ZNF462: variants seen among roughly 807,000 people sequenced by gnomAD.
The protein encoded by ZNF462 is zinc finger PBX1-interacting protein.
In ZNF462, 10 loss-of-function variants were observed where a neutral mutation model predicts 201.9. The observed-to-expected ratio is 0.05, with a 90% CI of 0.03 to 0.08. The LOEUF is 0.08. Ranked by LOEUF, ZNF462 falls within the 10% of genes least tolerant of loss-of-function variation. The probability of loss-of-function intolerance (pLI) is 1.00; values close to 1 mark genes in which losing one functional copy is unlikely to be tolerated. For missense variants in ZNF462, 2,523 were observed against 3,168.3 expected (o/e 0.80, Z 4.89); for synonymous variants, 1,227 against 1,193.3 (o/e 1.03, Z -0.58).
At chr9:107,001,996 C>T (rs1829223074) in intron 10 of ZNF462, among the ~76,000 whole-genome samples, 1 of 152,142 alleles carries the variant, frequency 6.6e-6, no homozygotes, top group Non-Finnish European at 1.5e-5. Context: ...GTCTCAGTGT[C>T]TAAGGCCTGG....
At position 106,886,223 on chromosome 9, in the gene ZNF462, G is replaced by A. The variant is rs1828310309; in HGVS notation, c.-31+22868G>A. The stretch of plus-strand genomic sequence containing the variant: ...GTAGGGGTGGGGTGGTTAAGAAGGT[G>A]GCTGGGATTGTTACCTCACTGGACC... On this transcript the variant is annotated intron_variant, in intron 1 of 12. Coordinates refer to ENST00000277225, the MANE Select transcript of ZNF462 (RefSeq NM_021224.6). This position sits in a 1 kb window ranked among gnomAD's most constrained non-coding sequence, Gnocchi z 4.6. 6.6e-6 allele frequency among the ~76,000 whole-genome samples: 1 copy of A among 152,158 alleles called. No individual in the cohort carries two copies. Among genetic ancestry groups the A allele is most frequent in the Non-Finnish European group, 1.5e-5 (1 of 68,028 alleles).
In ZNF462 at chr9:106,935,688, A is replaced by T. The variant is rs981098547; in HGVS notation, c.6235+67A>T. 79 of 1,224,724 alleles carry T rather than the reference A, an allele frequency of 6.5e-5. No individual in the cohort carries two copies. Among genetic ancestry groups the T allele is most frequent in the Non-Finnish European group, 8.5e-5 (71 of 831,776 alleles). 75.9% of individuals were successfully genotyped at this position (1,224,724 alleles called of 1,614,324 possible). A position where few individuals can be genotyped will look rare whatever the true frequency, so the allele number is the denominator to read the frequency against. On this transcript the variant is annotated intron_variant, in intron 6 of 12. Coordinates refer to ENST00000277225, the MANE Select transcript of ZNF462 (RefSeq NM_021224.6). The surrounding 1 kb of genome is among the most constrained non-coding windows in gnomAD (Gnocchi z 4.1). ...CTGAGTTTGAAACCTGATGATCTTT[A>T]TTGAGTGAAATACTGTCCTGCCTTA...
In ZNF462 at chr9:106,926,124, T is replaced by C; in HGVS notation, c.2212T>C (p.Leu738=). The C allele has an allele frequency of 1.9e-6, 3 of 1,613,458 alleles. No individual in the cohort carries two copies. The highest frequency in any genetic ancestry group is 2.5e-6 in the Non-Finnish European group (3 of 1,179,850). Residue 738 remains leucine, a synonymous_variant, in exon 3 of 13, where the codon TTG becomes CTG. Coordinates refer to ENST00000277225, the MANE Select transcript of ZNF462 (RefSeq NM_021224.6). This position sits in a 1 kb window ranked among gnomAD's most constrained non-coding sequence, Gnocchi z 7.9. ...CAACGAAGTCGAGATAGAGGTTGAG[T>C]TGGACAGGGAGGAAGAACCGACAGA... ...EDNEVEIEVE[L]DREEEPTEPI...
At chr9:106,881,047 A>T (rs1828071799) in intron 1 of ZNF462, among the ~76,000 whole-genome samples, 1 of 152,268 alleles carries the variant, frequency 6.6e-6, no homozygotes, top group African/African-American at 2.4e-5. Flanking sequence ...TTCCTGCGTC[A>T]TTCCAGGCAG....
Position 106,961,535 on chromosome 9 carries a change from CT to C in ZNF462, c.6428-10459del, listed in dbSNP as rs71491264. On this transcript the variant is annotated intron_variant, in intron 7 of 12. Transcript: ENST00000277225. ...CAGAACAGTATTTTCAGTTTGTACT[CT>C]TTTTTTTTTTGGATGTTTGTAGCAT... Among the ~76,000 whole-genome samples the C allele has an allele frequency of 2.6e-3, 376 of 145,316 alleles. 1 individual carries two copies. The highest frequency in any genetic ancestry group is 4.3e-3 in the Non-Finnish European group (279 of 65,512).
At chr9:106,866,856 T>C (rs540481114) in intron 1 of ZNF462, among the ~76,000 whole-genome samples, 50 of 152,372 alleles carry the variant, frequency 3.3e-4, no homozygotes, top group African/African-American at 1.1e-3. Context: ...TAACCATGTA[T>C]GTTTATGTAA....
rs890176806 is a variant in ZNF462 at position 106,933,922 on chromosome 9, C to T, written c.6116+1373C>T. Among the ~76,000 whole-genome samples, 1 of 152,050 alleles carries T rather than the reference C, an allele frequency of 6.6e-6. No homozygotes were observed. Among genetic ancestry groups the T allele is most frequent in the African/African-American group, 2.4e-5 (1 of 41,486 alleles). On this transcript the variant is annotated intron_variant, in intron 5 of 12. Coordinates refer to ENST00000277225, the MANE Select transcript of ZNF462 (RefSeq NM_021224.6). The surrounding 1 kb of genome is among the most constrained non-coding windows in gnomAD (Gnocchi z 4.3). Reference sequence around the variant, plus strand: ...TTCAGTTTGACTAATCCTTAAGTTACATGTAAAGGAATAGTGAAAGATAAG... The same window carrying T: ...TTCAGTTTGACTAATCCTTAAGTTATATGTAAAGGAATAGTGAAAGATAAG...
chr9:107,006,474 C>T lies in ZNF462; in HGVS notation c.7189+3048C>T, dbSNP rs1019612887. ...CCTGCACACCACTTTCCCAGTGCTT[C>T]GAGTAGTGTAATCTTCACTGAAGGG... On this transcript the variant is annotated intron_variant, in intron 11 of 12. Transcript: ENST00000277225. The surrounding 1 kb of genome is among the most constrained non-coding windows in gnomAD (Gnocchi z 4.3). Among the ~76,000 whole-genome samples the T allele has an allele frequency of 4.6e-5, 7 of 152,256 alleles. No homozygotes were observed. The highest frequency in any genetic ancestry group is 3.9e-4 in the East Asian group (2 of 5,182).
chr9:106,874,345 A>G (rs533947978), intron 1 of ZNF462, among the ~76,000 whole-genome samples: 56 of 152,312 alleles, frequency 3.7e-4, no homozygotes, highest in South Asian at 1.0e-3. Context: ...GGGTTTCTTC[A>G]GTTTTCCTTT....
intron 6 of ZNF462, among the ~76,000 whole-genome samples, chr9:106,936,529 A>G (rs1233767016): frequency 6.6e-6 from 1 of 152,222 alleles, no homozygotes; most frequent in East Asian, 1.9e-4. Flanking sequence ...CAGGTCTCCC[A>G]GTTGCCTCAA....
At chr9:106,989,405 A>T (rs1828098488) in intron 10 of ZNF462, among the ~76,000 whole-genome samples, 1 of 152,076 alleles carries the variant, frequency 6.6e-6, no homozygotes, top group Admixed American at 6.6e-5. Context: ...ATCATGGTGG[A>T]TTATCTTTTT....
intron 7 of ZNF462, among the ~76,000 whole-genome samples, chr9:106,957,923 G>C (rs1157203470): frequency 1.3e-5 from 2 of 152,204 alleles, no homozygotes; most frequent in South Asian, 4.1e-4. Flanking sequence ...GTAGGGAGCA[G>C]AGAAGGTAGC....
Position 106,911,041 on chromosome 9 carries a change from T to C in ZNF462, c.-30-12313T>C, listed in dbSNP as rs1412017929. Among the ~76,000 whole-genome samples the C allele has an allele frequency of 2.0e-5, 3 of 152,206 alleles. No homozygotes were observed. In the East Asian group the frequency reaches 5.8e-4, roughly 29 times the overall value. Reference sequence around the variant, plus strand: ...TAGGTAAAATACTCTGATTCTTTCCTTTGTGGATCCATGTCCTGCTTTAGA... The same window carrying C: ...TAGGTAAAATACTCTGATTCTTTCCCTTGTGGATCCATGTCCTGCTTTAGA... On this transcript the variant is annotated intron_variant, in intron 1 of 12. Transcript: ENST00000277225.
At chr9:106,915,193 T>G (rs1413499971) in intron 1 of ZNF462, among the ~76,000 whole-genome samples, 1 of 151,880 alleles carries the variant, frequency 6.6e-6, no homozygotes, top group Non-Finnish European at 1.5e-5. Context: ...GGATAGGCAT[T>G]TCTGTATGTT....
chr9:106,900,634 T>C (rs1384737575), intron 1 of ZNF462, among the ~76,000 whole-genome samples: 2 of 152,332 alleles, frequency 1.3e-5, no homozygotes, highest in African/African-American at 4.8e-5. Context: ...ATTTCCCTGA[T>C]CATTAGTGAT....
In ZNF462 at chr9:106,941,497, G is replaced by A. The variant is rs749381392; in HGVS notation, c.6427+2390G>A. 2.6e-5 allele frequency among the ~76,000 whole-genome samples: 4 copies of A among 152,206 alleles called. No homozygotes were observed. The South Asian group carries it at 6.2e-4, about 24-fold the overall frequency. On this transcript the variant is annotated intron_variant, in intron 7 of 12. Transcript: ENST00000277225. The stretch of plus-strand genomic sequence containing the variant: ...TTGTTTAGCCACAGGGAAATAATTT[G>A]CAATATATAAAAGGGATTCTTACTT...
At chr9:106,949,644 ACTT>A (rs1221103544) in intron 7 of ZNF462, among the ~76,000 whole-genome samples, 1 of 151,862 alleles carries the variant, frequency 6.6e-6, no homozygotes, top group Non-Finnish European at 1.5e-5. Flanking sequence ...TCTTCAGAGT[ACTT>A]CTACTTCCTT....
At position 106,993,709 on chromosome 9, in the gene ZNF462, A is replaced by G. The variant is rs1828469917; in HGVS notation, c.7056+9300A>G. Among the ~76,000 whole-genome samples, 1 of 150,730 alleles carries G rather than the reference A, an allele frequency of 6.6e-6. No individual in the cohort carries two copies. Among genetic ancestry groups the G allele is most frequent in the Non-Finnish European group, 1.5e-5 (1 of 67,836 alleles). On this transcript the variant is annotated intron_variant, in intron 10 of 12. Transcript: ENST00000277225. This position sits in a 1 kb window ranked among gnomAD's most constrained non-coding sequence, Gnocchi z 4.0. Reference sequence around the variant, plus strand: ...ACACATAGTGAATTATTTATCAGTAATGCCCTTTATTAGCAATACTGTTGA... The same window carrying G: ...ACACATAGTGAATTATTTATCAGTAGTGCCCTTTATTAGCAATACTGTTGA...
rs1428828474 is a variant in ZNF462 at position 106,927,305 on chromosome 9, C to T, written c.3393C>T (p.Val1131=). 6.2e-7 allele frequency: 1 copy of T among 1,606,268 alleles called. No homozygotes were observed. Reference sequence around the variant, plus strand: ...ATCGGTCAGTTGTGGGAGTGCTTGTCCACTACCAGAAAAGACACCCAGAAA... The same window carrying T: ...ATCGGTCAGTTGTGGGAGTGCTTGTTCACTACCAGAAAAGACACCCAGAAA... The part of the protein sequence containing the change: ...YSNRSVVGVL[V]HYQKRHPEIK... The change falls in exon 3 of 13, where the codon GTC becomes GTT. Residue 1131 remains valine, a synonymous_variant. Transcript: ENST00000277225.
Sources: allele counts gnomAD v4.1 joint callset (sites outside exome capture counted in the v4.1 genomes callset), GRCh38; gene constraint gnomAD v4.1.1; non-coding constraint Gnocchi (gnomAD v3.1); transcripts MANE v1.5; gene names NCBI Gene and HGNC (gene_info 2026-07-23, HGNC 2026-07-21).